SETBP1: variants seen among roughly 807,000 people sequenced by gnomAD.
The protein encoded by SETBP1 is SET-binding protein.
Under a neutral mutation model 101.0 loss-of-function variants are expected in SETBP1, and 9 were observed. The observed-to-expected ratio is 0.09, with a 90% CI of 0.05 to 0.16. SETBP1 has a LOEUF of 0.16. Ranked by LOEUF, SETBP1 falls within the 10% of genes least tolerant of loss-of-function variation. The probability of loss-of-function intolerance (pLI) is 1.00; values close to 1 mark genes in which losing one functional copy is unlikely to be tolerated. For missense variants in SETBP1, 1,858 were observed against 2,033.8 expected, an observed-to-expected ratio of 0.91 and a Z score of 1.66; for synonymous variants, 818 against 788.5, an observed-to-expected ratio of 1.04 and a Z score of -0.63.
intron 2 of SETBP1, among the ~76,000 whole-genome samples, chr18:44,823,166 C>A (rs2072154895): frequency 1.3e-5 from 2 of 152,184 alleles, no homozygotes; most frequent in Non-Finnish European, 2.9e-5. Flanking sequence ...CTTTGCCTAG[C>A]TCTTCATGTC....
chr18:45,015,895 G>T (rs1477770303), intron 4 of SETBP1, among the ~76,000 whole-genome samples: 1 of 152,154 alleles, frequency 6.6e-6, no homozygotes, highest in African/African-American at 2.4e-5. Flanking sequence ...TGAGTTACAT[G>T]CTCTTACAAG....
chr18:44,881,594 C>G (rs1053739402), intron 3 of SETBP1, among the ~76,000 whole-genome samples: 45 of 152,216 alleles, frequency 3.0e-4, no homozygotes, highest in Non-Finnish European at 8.8e-5. Flanking sequence ...TTAGTGCAAT[C>G]AGGCATCGGA....
In SETBP1 at chr18:45,049,923, C is replaced by G. The variant is rs117188634; in HGVS notation, c.4171+11268C>G. On this transcript the variant is annotated intron_variant, in intron 5 of 5. Transcript: ENST00000649279. ...AAACCCAGGTTTTATCAGTCTTTTT[C>G]TAGCTCCCTGTCTTCTTTGCTTTCT... is the stretch of plus-strand genomic sequence containing the variant. 3.5e-3 allele frequency among the ~76,000 whole-genome samples: 526 copies of G among 152,262 alleles called. 2 individuals are homozygous for G. The highest frequency in any genetic ancestry group is 5.6e-3 in the Non-Finnish European group (384 of 68,012).
chr18:44,709,918 C>T (rs1440770950), intron 2 of SETBP1, among the ~76,000 whole-genome samples: 3 of 149,930 alleles, frequency 2.0e-5, no homozygotes, highest in East Asian at 2.0e-4. Context: ...TCTGCCAAAC[C>T]GGGATTACTG....
intron 2 of SETBP1, among the ~76,000 whole-genome samples, chr18:44,761,254 T>C (rs770374410): frequency 6.6e-6 from 1 of 152,212 alleles, no homozygotes; most frequent in Non-Finnish European, 1.5e-5. Flanking sequence ...CATTAAACAT[T>C]TATCATTTCT....
chr18:44,905,774 G>A (rs1426234844), intron 3 of SETBP1, among the ~76,000 whole-genome samples: 3 of 152,172 alleles, frequency 2.0e-5, no homozygotes, highest in Non-Finnish European at 2.9e-5. Flanking sequence ...TTTCAGCATC[G>A]AAGCTAACAT....
chr18:44,755,831 A>G (rs1339863216), intron 2 of SETBP1, among the ~76,000 whole-genome samples: 1 of 152,090 alleles, frequency 6.6e-6, no homozygotes, highest in Non-Finnish European at 1.5e-5. Context: ...CCTAACCAAT[A>G]CAGCTTGGTT....
chr18:44,951,227 A>C lies in SETBP1; in HGVS notation c.1887A>C (p.Leu629Phe). 6.2e-7 allele frequency: 1 copy of C among 1,614,126 alleles called. No homozygotes were observed. The highest frequency in any genetic ancestry group is 1.1e-5 in the South Asian group (1 of 91,076). The change falls in exon 4 of 6, where the codon TTA becomes TTC. Residue 629 changes from leucine to phenylalanine, a missense_variant. By Grantham distance (22) the Leu-to-Phe change is conservative. Coordinates refer to ENST00000649279, the MANE Select transcript of SETBP1 (RefSeq NM_015559.3). This position sits in a 1 kb window ranked among gnomAD's most constrained non-coding sequence, Gnocchi z 7.8. ...AGAAAAGAAAGCGACGACGCAATTT[A>C]GCGAAGTTGGCCCAGCTAGTGCCGG... ...GTKKRKRRRN[L>F]AKLAQLVPGE...
chr18:45,067,665 A>G lies in SETBP1; in HGVS notation c.*3967A>G, dbSNP rs2073986507. ...AACTCGAACTGTAATATATCGTAGC[A>G]TTTTCTTGGTGTTTCTTAAAGTTTC... On this transcript the variant is annotated 3_prime_UTR_variant, in exon 6 of 6. Transcript: ENST00000649279. 1 of 152,118 alleles carries G rather than the reference A, an allele frequency of 6.6e-6. No homozygotes were observed. Among genetic ancestry groups the G allele is most frequent in the Non-Finnish European group, 1.5e-5 (1 of 68,032 alleles). 9.4% of individuals were successfully genotyped at this position (152,118 alleles called of 1,614,324 possible). A position where few individuals can be genotyped will look rare whatever the true frequency, so the allele number is the denominator to read the frequency against.
chr18:44,701,292 T>G lies in SETBP1; in HGVS notation c.-55T>G. ...GGTGTCCTCTTTTCTCACCTTTCCC[T>G]TTTCCCTTTTCCCCTTCCCCCTCCT... On this transcript the variant is annotated 5_prime_UTR_variant, in exon 2 of 6. Transcript: ENST00000649279. 6.9e-7 allele frequency: 1 copy of G among 1,448,932 alleles called. No homozygotes were observed. Among genetic ancestry groups the G allele is most frequent in the African/African-American group, 1.4e-5 (1 of 69,782 alleles). The allele number at this position is 1,448,932 out of a possible 1,614,324, so 89.8% of individuals were successfully genotyped here.
chr18:44,775,046 T>C (rs910512390), intron 2 of SETBP1, among the ~76,000 whole-genome samples: 22 of 152,192 alleles, frequency 1.4e-4, no homozygotes, highest in African/African-American at 5.3e-4. Context: ...ATGAAAACTA[T>C]GAAAATGCTG....
intron 1 of SETBP1, among the ~76,000 whole-genome samples, chr18:44,689,671 G>T (rs185176782): frequency 1.3e-5 from 2 of 152,338 alleles, no homozygotes; most frequent in Admixed American, 1.3e-4. Context: ...CCAAGGGTTA[G>T]TCAGATCAGA....
intron 2 of SETBP1, among the ~76,000 whole-genome samples, chr18:44,812,979 G>A (rs938850932): frequency 6.6e-6 from 1 of 152,048 alleles, no homozygotes; most frequent in Admixed American, 6.5e-5. Flanking sequence ...AGGTCTCTTT[G>A]GGGCCACATC....
intron 4 of SETBP1, among the ~76,000 whole-genome samples, chr18:44,990,222 G>T (rs1242259802): frequency 6.6e-6 from 1 of 151,988 alleles, no homozygotes; most frequent in African/African-American, 2.4e-5. Context: ...AAATATTTTC[G>T]AGAAAGAAGG....
At chr18:44,791,582 T>G (rs1366601264) in intron 2 of SETBP1, among the ~76,000 whole-genome samples, 1 of 152,180 alleles carries the variant, frequency 6.6e-6, no homozygotes, top group East Asian at 1.9e-4. Context: ...CCCTGAATTT[T>G]CAGCATTTAG....
At chr18:44,864,578 A>G (rs971372574) in intron 2 of SETBP1, among the ~76,000 whole-genome samples, 1 of 152,198 alleles carries the variant, frequency 6.6e-6, no homozygotes, top group Non-Finnish European at 1.5e-5. Context: ...AAGACATGTC[A>G]GGAATGAGAT....
At chr18:44,897,488 C>T (rs1235274558) in intron 3 of SETBP1, among the ~76,000 whole-genome samples, 5 of 152,118 alleles carry the variant, frequency 3.3e-5, no homozygotes, top group African/African-American at 1.2e-4. Context: ...ATTCGTATTC[C>T]TCCCAGCATG....
intron 4 of SETBP1, among the ~76,000 whole-genome samples, chr18:44,978,365 C>T (rs1344168228): frequency 6.6e-6 from 1 of 152,060 alleles, no homozygotes; most frequent in Non-Finnish European, 1.5e-5. Context: ...GTTGTCTGCC[C>T]GTGCAGGGGG....
At chr18:44,706,767 C>G (rs1208774783) in intron 2 of SETBP1, among the ~76,000 whole-genome samples, 1 of 151,978 alleles carries the variant, frequency 6.6e-6, no homozygotes, top group Non-Finnish European at 1.5e-5. Flanking sequence ...CAAATGGATG[C>G]CATACAGTGA....
Sources: allele counts gnomAD v4.1 joint callset (sites outside exome capture counted in the v4.1 genomes callset), GRCh38; gene constraint gnomAD v4.1.1; non-coding constraint Gnocchi (gnomAD v3.1); transcripts MANE v1.5; gene names NCBI Gene and HGNC (gene_info 2026-07-23, HGNC 2026-07-21).